The following PTPRO variants were observed in gnomAD, a reference collection of about 807,000 sequenced individuals.
PTPRO encodes protein tyrosine phosphatase receptor type O.
A neutral mutation model predicts 145.2 loss-of-function variants in PTPRO; 62 were observed. The ratio of observed to expected loss-of-function variants is 0.43; its 90% CI spans 0.35 to 0.53. The LOEUF (loss-of-function observed/expected upper bound fraction) is 0.53, where lower values mean the gene tolerates loss of function less well. Ranked by LOEUF, PTPRO falls within the 20% of genes least tolerant of loss-of-function variation. The pLI is 0.01. For synonymous variants in PTPRO, 565 were observed against 514.7 expected (o/e 1.10, Z -1.32); for missense variants, 1,345 against 1,482.7 (o/e 0.91, Z 1.53).
At chr12:15,475,888 G>A (rs1941641892) in intron 1 of PTPRO, among the ~76,000 whole-genome samples, 1 of 151,712 alleles carries the variant, frequency 6.6e-6, no homozygotes, top group African/African-American at 2.4e-5. Flanking sequence ...TTCTATCATG[G>A]GTATGATTAC....
intron 15 of PTPRO, among the ~76,000 whole-genome samples, chr12:15,555,881 T>C (rs566517581): frequency 9.9e-5 from 15 of 152,254 alleles, no homozygotes; most frequent in Non-Finnish European, 1.9e-4. Flanking sequence ...TTGTACACTT[T>C]TTAATTAGTA....
intron 18 of PTPRO, among the ~76,000 whole-genome samples, chr12:15,567,712 C>T (rs1943936321): frequency 6.6e-6 from 1 of 152,092 alleles, no homozygotes; most frequent in African/African-American, 2.4e-5. Flanking sequence ...GGAGAGGAGT[C>T]CCAACTTTAG....
At chr12:15,481,589 A>G (rs886498480) in intron 1 of PTPRO, among the ~76,000 whole-genome samples, 16 of 152,200 alleles carry the variant, frequency 1.1e-4, no homozygotes, top group Non-Finnish European at 1.5e-4. Flanking sequence ...TATGCCAGGT[A>G]CTGATCCTAG....
rs199602074 is a variant in PTPRO, at chr12:15,583,479, C to CCACACA, written c.3255+1693_3255+1698dup. ...GGGCAACAAGAGCAAGACTCTATCT[C>CCACACA]CACACACACACACACACACAAAAAA... On this transcript the variant is annotated intron_variant, in intron 23 of 26. Coordinates refer to ENST00000281171, the MANE Select transcript of PTPRO (RefSeq NM_030667.3). Among the ~76,000 whole-genome samples the CCACACA allele has an allele frequency of 1.2e-3, 178 of 150,610 alleles. 2 individuals carry two copies. The highest frequency in any genetic ancestry group is 7.7e-3 in the East Asian group (39 of 5,092).
intron 1 of PTPRO, among the ~76,000 whole-genome samples, chr12:15,383,555 A>G (rs932711843): frequency 1.3e-5 from 2 of 152,222 alleles, no homozygotes; most frequent in Non-Finnish European, 2.9e-5. Flanking sequence ...CTTATGATAC[A>G]GCCTCGGGAC....
chr12:15,429,238 C>T (rs1488559905), intron 1 of PTPRO, among the ~76,000 whole-genome samples: 1 of 152,158 alleles, frequency 6.6e-6, no homozygotes, highest in East Asian at 1.9e-4. Context: ...GAACAACACA[C>T]TTGGTCTCTG....
intron 1 of PTPRO, among the ~76,000 whole-genome samples, chr12:15,325,994 T>A (rs1239854378): frequency 6.6e-6 from 1 of 152,202 alleles, no homozygotes; most frequent in African/African-American, 2.4e-5. Context: ...AATATTGTAC[T>A]TTCTGAAACA....
intron 1 of PTPRO, among the ~76,000 whole-genome samples, chr12:15,374,123 A>G (rs1938611977): frequency 6.6e-6 from 1 of 152,206 alleles, no homozygotes; most frequent in East Asian, 1.9e-4. Flanking sequence ...TTTATTACCT[A>G]GTTTTAGAAT....
intron 1 of PTPRO, among the ~76,000 whole-genome samples, chr12:15,459,126 C>A (rs982842870): frequency 6.6e-6 from 1 of 152,126 alleles, no homozygotes; most frequent in Admixed American, 6.5e-5. Context: ...GAGACAGAAG[C>A]CAGTTCCTCA....
intron 17 of PTPRO, among the ~76,000 whole-genome samples, chr12:15,564,272 T>C (rs1270068146): frequency 6.6e-6 from 1 of 152,238 alleles, no homozygotes; most frequent in Non-Finnish European, 1.5e-5. Context: ...CCTACATTTC[T>C]TGACCTGCAT....
chr12:15,549,366 T>G, intron 14 of PTPRO, 140 bp downstream of exon 14: 8 of 553,154 alleles, frequency 1.4e-5, no homozygotes, highest in Non-Finnish European at 1.4e-5. Context: ...GTGCACTTAC[T>G]AGCTATGGAG....
rs576759715 is a variant in PTPRO, at chr12:15,498,967, T to C, written c.509-475T>C. 8.5e-5 allele frequency among the ~76,000 whole-genome samples: 13 copies of C among 152,314 alleles called. 2 individuals are homozygous for C. The highest frequency in any genetic ancestry group is 3.1e-4 in the African/African-American group (13 of 41,588). ...CTAAGTGGAATCCAAACTTTTATTA[T>C]TTCTTTTTTTGGGCAGGTTCTGTCT... is the stretch of plus-strand genomic sequence containing the variant. On this transcript the variant is annotated intron_variant, in intron 3 of 26. Transcript: ENST00000281171.
intron 15 of PTPRO, among the ~76,000 whole-genome samples, chr12:15,554,489 C>G (rs182478393): frequency 1.7e-3 from 259 of 151,770 alleles, no homozygotes; most frequent in African/African-American, 6.1e-3. Context: ...TATTAACTTC[C>G]ACGATCACAA....
chr12:15,456,234 G>GT (rs1468512948), intron 1 of PTPRO, among the ~76,000 whole-genome samples: 1 of 151,988 alleles, frequency 6.6e-6, no homozygotes, highest in East Asian at 1.9e-4. Context: ...TGATTGTGTG[G>GT]TTTTTACCCT....
Position 15,591,861 on chromosome 12 carries a change from C to CA in PTPRO, c.3546+2281dup, listed in dbSNP as rs920818158. Among the ~76,000 whole-genome samples, 1,084 of 141,826 alleles carry CA rather than the reference C, an allele frequency of 7.6e-3. 8 individuals carry two copies. The highest frequency in any genetic ancestry group is 0.025 in the African/African-American group (971 of 38,586). 93.0% of individuals were successfully genotyped at this position (141,826 alleles called of 152,430 possible). On this transcript the variant is annotated intron_variant, in intron 25 of 26. Coordinates refer to ENST00000281171, the MANE Select transcript of PTPRO (RefSeq NM_030667.3). ...CTGGTGACAGAGCAAGACTCCGTCT[C>CA]AAAAAAAAAACCCCATAAAATAATT...
At chr12:15,443,508 T>C (rs1016268303) in intron 1 of PTPRO, among the ~76,000 whole-genome samples, 3 of 152,108 alleles carry the variant, frequency 2.0e-5, no homozygotes, top group East Asian at 3.9e-4. Flanking sequence ...TGGACCTAAT[T>C]AAACTAAAGA....
intron 1 of PTPRO, among the ~76,000 whole-genome samples, chr12:15,375,410 A>G (rs1302186964): frequency 1.3e-5 from 2 of 152,228 alleles, no homozygotes; most frequent in Non-Finnish European, 2.9e-5. Context: ...ATCCTTTTCA[A>G]AGAATTAAAG....
rs137888661 is a variant in PTPRO, at chr12:15,424,966, A to G, written c.76-59008A>G. Among the ~76,000 whole-genome samples the G allele has an allele frequency of 7.8e-3, 1,193 of 152,246 alleles. 15 individuals are homozygous for G. The highest frequency in any genetic ancestry group is 7.9e-3 in the Non-Finnish European group (537 of 68,004). On this transcript the variant is annotated intron_variant, in intron 1 of 26. Transcript: ENST00000281171. ...TCAAGTGCTTTCTTCTTAAAGCTGC[A>G]GTTATTTCACCGCTATTTAAATTTG... is the stretch of plus-strand genomic sequence containing the variant.
chr12:15,328,857 C>G (rs924802238), intron 1 of PTPRO, among the ~76,000 whole-genome samples: 2 of 151,748 alleles, frequency 1.3e-5, no homozygotes, highest in Non-Finnish European at 2.9e-5. Context: ...CTAAATAAAC[C>G]TATTTTTAAA....
Sources: gnomAD v4.1 joint callset for allele counts (sites outside exome capture counted in the v4.1 genomes callset) on GRCh38, gnomAD v4.1.1 for gene constraint, MANE v1.5 for transcripts, NCBI Gene and HGNC (gene_info 2026-07-23, HGNC 2026-07-21) for gene names.